CADM2: variants seen among roughly 807,000 people sequenced by gnomAD.
CADM2 encodes the protein cell adhesion molecule 2, also known as immunoglobulin superfamily member 4D.
A neutral mutation model predicts 49.8 loss-of-function variants in CADM2; 12 were observed. The ratio of observed to expected loss-of-function variants is 0.24; its 90% CI spans 0.15 to 0.39. The LOEUF (loss-of-function observed/expected upper bound fraction) is 0.39. Ranked by LOEUF, CADM2 falls within the 10% of genes least tolerant of loss-of-function variation. The pLI is 1.00. For missense variants in CADM2, 378 were observed against 492.3 expected (o/e 0.77, Z 2.20); for synonymous variants, 214 against 175.4 (o/e 1.22, Z -1.74).
intron 8 of CADM2, among the ~76,000 whole-genome samples, chr3:86,039,802 C>T (rs1468574650): frequency 2.0e-5 from 3 of 150,984 alleles, no homozygotes; most frequent in Non-Finnish European, 4.4e-5. Context: ...GGGTCCCTGA[C>T]CCCTGAGTAG....
chr3:85,450,552 G>GA (rs2037707194), intron 1 of CADM2, among the ~76,000 whole-genome samples: 1 of 151,830 alleles, frequency 6.6e-6, no homozygotes, highest in Non-Finnish European at 1.5e-5. Flanking sequence ...AATATAGAAT[G>GA]AATGCTTCAT....
intron 6 of CADM2, among the ~76,000 whole-genome samples, chr3:85,920,619 A>G (rs1718981306): frequency 6.6e-6 from 1 of 151,790 alleles, no homozygotes; most frequent in African/African-American, 2.4e-5. Context: ...GTATATATTA[A>G]TGGCACATTT....
chr3:85,772,680 G>A (rs2070152421), intron 2 of CADM2, among the ~76,000 whole-genome samples: 1 of 152,016 alleles, frequency 6.6e-6, no homozygotes, highest in African/African-American at 2.4e-5. Flanking sequence ...TAACCAAGAA[G>A]TTCAGTTTAG....
chr3:85,333,410 T>G (rs2044990212), intron 1 of CADM2, among the ~76,000 whole-genome samples: 1 of 151,814 alleles, frequency 6.6e-6, no homozygotes, highest in Non-Finnish European at 1.5e-5. Context: ...AGTTAAATTT[T>G]ATGTCTATAT....
chr3:85,954,330 C>A (rs1270938740), intron 7 of CADM2, among the ~76,000 whole-genome samples: 1 of 150,574 alleles, frequency 6.6e-6, no homozygotes, highest in African/African-American at 2.4e-5. Flanking sequence ...AACAAAAAAC[C>A]CTTAGTGTAG....
intron 1 of CADM2, among the ~76,000 whole-genome samples, chr3:84,991,172 C>T (rs748180224): frequency 2.0e-5 from 3 of 151,970 alleles, no homozygotes; most frequent in Non-Finnish European, 2.9e-5. Flanking sequence ...TCCAGTATTT[C>T]AGATCTTGAT....
At chr3:85,305,736 CT>C (rs936535274) in intron 1 of CADM2, among the ~76,000 whole-genome samples, 12 of 151,648 alleles carry the variant, frequency 7.9e-5, no homozygotes, top group African/African-American at 2.7e-4. Context: ...TTAATCTTCT[CT>C]TTTTTTCAGA....
intron 1 of CADM2, among the ~76,000 whole-genome samples, chr3:85,340,045 T>C (rs2045197778): frequency 6.6e-6 from 1 of 151,404 alleles, no homozygotes; most frequent in South Asian, 2.1e-4. Context: ...TATTTTTCTA[T>C]GGAGAAGTAA....
At chr3:85,931,931 T>A (rs9866543) in intron 6 of CADM2, among the ~76,000 whole-genome samples, 1 of 151,050 alleles carries the variant, frequency 6.6e-6, no homozygotes, top group Admixed American at 6.6e-5. Context: ...AATTATTAAA[T>A]GGTTTAATAA....
At chr3:85,015,587 T>G (rs2034216156) in intron 1 of CADM2, among the ~76,000 whole-genome samples, 1 of 152,176 alleles carries the variant, frequency 6.6e-6, no homozygotes, top group South Asian at 2.1e-4. Context: ...ATGATTAATA[T>G]AATGCCTGCC....
intron 1 of CADM2, among the ~76,000 whole-genome samples, chr3:85,300,916 C>G (rs1265438191): frequency 6.6e-6 from 1 of 151,838 alleles, no homozygotes; most frequent in Non-Finnish European, 1.5e-5. Context: ...TTTTAAAAGA[C>G]CCCATAGTAG....
At chr3:85,882,568 C>T (rs1265647212) in intron 3 of CADM2, among the ~76,000 whole-genome samples, 1 of 152,120 alleles carries the variant, frequency 6.6e-6, no homozygotes, top group Non-Finnish European at 1.5e-5. Context: ...CCCGATTCTA[C>T]AGCTCTACTT....
intron 1 of CADM2, among the ~76,000 whole-genome samples, chr3:85,420,789 GATAA>G (rs1257900454): frequency 6.6e-6 from 1 of 152,156 alleles, no homozygotes; most frequent in Admixed American, 6.5e-5. Flanking sequence ...CTCAGAATGT[GATAA>G]ATAAGACTTT....
intron 1 of CADM2, among the ~76,000 whole-genome samples, chr3:85,282,961 A>G (rs1226521951): frequency 6.6e-6 from 1 of 152,060 alleles, no homozygotes; most frequent in Non-Finnish European, 1.5e-5. Context: ...AAATACCCTG[A>G]CTTCATCATA....
chr3:85,309,695 C>T (rs993013968), intron 1 of CADM2, among the ~76,000 whole-genome samples: 1 of 152,132 alleles, frequency 6.6e-6, no homozygotes, highest in African/African-American at 2.4e-5. Flanking sequence ...ACAACTGAGT[C>T]AATTGAAATT....
intron 1 of CADM2, among the ~76,000 whole-genome samples, chr3:85,017,456 T>C (rs1029887757): frequency 6.6e-6 from 1 of 152,218 alleles, no homozygotes; most frequent in African/African-American, 2.4e-5. Context: ...GTGATGTTAT[T>C]TCTCTCTCAC....
intron 1 of CADM2, among the ~76,000 whole-genome samples, chr3:85,303,804 A>AT (rs2044154861): frequency 6.6e-6 from 1 of 151,832 alleles, no homozygotes; most frequent in African/African-American, 2.4e-5. Context: ...TTAAATTCGG[A>AT]TTCTTCGTTC....
chr3:85,624,963 G>A (rs1365345305), intron 1 of CADM2, among the ~76,000 whole-genome samples: 1 of 151,954 alleles, frequency 6.6e-6, no homozygotes, highest in African/African-American at 2.4e-5. Context: ...AGATAGATGT[G>A]GGTTCAAATA....
chr3:86,004,378 G>T (rs77069133), intron 8 of CADM2, among the ~76,000 whole-genome samples: 1 of 152,096 alleles, frequency 6.6e-6, no homozygotes, highest in South Asian at 2.1e-4. Context: ...CTCATGTCAG[G>T]TTCAACACAT....
Sources: allele counts gnomAD v4.1 joint callset (sites outside exome capture counted in the v4.1 genomes callset), GRCh38; gene constraint gnomAD v4.1.1; transcripts MANE v1.5; gene names NCBI Gene and HGNC (gene_info 2026-07-23, HGNC 2026-07-21).